Variants in DCP2 observed in about 807,000 individuals in gnomAD.
The protein encoded by DCP2 is decapping mRNA 2.
A neutral mutation model predicts 56.1 loss-of-function variants in DCP2; 30 were observed. The ratio of observed to expected loss-of-function variants is 0.53; its 90% CI spans 0.40 to 0.73. The LOEUF is 0.73. Ranked by LOEUF, DCP2 falls within the 30% of genes least tolerant of loss-of-function variation. The pLI, the probability that DCP2 is intolerant of heterozygous loss-of-function variation, is 0.00. For synonymous variants in DCP2, 197 were observed against 163.3 expected (o/e 1.21, Z -1.57); for missense variants, 533 against 502.7 (o/e 1.06, Z -0.58).
intron 8 of DCP2, among the ~76,000 whole-genome samples, chr5:113,005,728 A>T (rs1749398134): frequency 6.6e-6 from 1 of 152,260 alleles, no homozygotes; most frequent in African/African-American, 2.4e-5. Flanking sequence ...CATTATTCAC[A>T]ATAGCCAAAA....
In DCP2 at chr5:113,021,975, T is replaced by G. The variant is rs1750166518; in HGVS notation, c.*8491T>G. The G allele has an allele frequency of 6.6e-6, 1 of 152,216 alleles. No homozygotes were observed. The highest frequency in any genetic ancestry group is 1.5e-5 in the Non-Finnish European group (1 of 68,036). 9.4% of individuals were successfully genotyped at this position (152,216 alleles called of 1,614,324 possible). ...ATTTTGATCTAATAATAGTCTTACTTCTAGACCCCTGCTTTGACTAGGGCT... is the reference window on the plus strand; with the variant it reads ...ATTTTGATCTAATAATAGTCTTACTGCTAGACCCCTGCTTTGACTAGGGCT... On this transcript the variant is annotated 3_prime_UTR_variant, in exon 11 of 11. Transcript: ENST00000389063.
rs546876826 is a variant in DCP2 at position 113,017,764 on chromosome 5, G to C, written c.*4280G>C. 1.3e-5 allele frequency: 2 copies of C among 152,270 alleles called. No homozygotes were observed. The highest frequency in any genetic ancestry group is 4.1e-4 in the South Asian group (2 of 4,828). The allele number at this position is 152,270 out of a possible 1,614,324, so 9.4% of individuals were successfully genotyped here. A position where few individuals can be genotyped will look rare whatever the true frequency, so the allele number is the denominator to read the frequency against. Reference sequence around the variant, plus strand: ...TATCAATACTTGAGTGCTTTATTATGTTCCAGGCTAGAAATGTGATCATTG... The same window carrying C: ...TATCAATACTTGAGTGCTTTATTATCTTCCAGGCTAGAAATGTGATCATTG... On this transcript the variant is annotated 3_prime_UTR_variant, in exon 11 of 11. Transcript: ENST00000389063.
intron 9 of DCP2, 36 bp downstream of exon 9, chr5:113,008,078 C>G: frequency 3.9e-6 from 6 of 1,553,226 alleles, no homozygotes; most frequent in Non-Finnish European, 5.3e-6. Flanking sequence ...GTAGGCAGTT[C>G]ATCCTCTGAA....
chr5:112,993,891 C>G (rs1221810289), intron 4 of DCP2, among the ~76,000 whole-genome samples: 1 of 151,612 alleles, frequency 6.6e-6, no homozygotes, highest in African/African-American at 2.4e-5. Flanking sequence ...AACACATACA[C>G]ATACAATTAT....
At chr5:112,995,166 G>A (rs1164812547) in intron 4 of DCP2, among the ~76,000 whole-genome samples, 1 of 152,148 alleles carries the variant, frequency 6.6e-6, no homozygotes, top group Non-Finnish European at 1.5e-5. Flanking sequence ...GCTTGCCCAA[G>A]CTATTATTTA....
chr5:112,991,756 A>G (rs1341348497), intron 2 of DCP2, among the ~76,000 whole-genome samples: 1 of 152,174 alleles, frequency 6.6e-6, no homozygotes, highest in Non-Finnish European at 1.5e-5. Flanking sequence ...GGCATTATGA[A>G]TTTGACTCAC....
chr5:113,008,662 T>C (rs1749548291), intron 9 of DCP2, among the ~76,000 whole-genome samples: 1 of 152,162 alleles, frequency 6.6e-6, no homozygotes, highest in Non-Finnish European at 1.5e-5. Flanking sequence ...AGCAAAAATA[T>C]TTTACCTGAA....
Position 113,014,518 on chromosome 5 carries a change from G to T in DCP2, c.*1034G>T, listed in dbSNP as rs1310536301. The T allele has an allele frequency of 6.6e-6, 1 of 152,632 alleles. No homozygotes were observed. The highest frequency in any genetic ancestry group is 1.5e-5 in the Non-Finnish European group (1 of 68,046). 9.5% of individuals were successfully genotyped at this position (152,632 alleles called of 1,614,324 possible). On this transcript the variant is annotated 3_prime_UTR_variant, in exon 11 of 11. Coordinates refer to ENST00000389063, the MANE Select transcript of DCP2 (RefSeq NM_152624.6). ...TGCAGTTTACCCAAGTCCAAATAAA[G>T]CATTTCACTAGGTTACACGTTATGT...
rs566681716 is a variant in DCP2 at position 113,017,798 on chromosome 5, A to G, written c.*4314A>G. ...TAGAAATGTGATCATTGCATGGCCTAAGTGTAGTCATTCATATATATATGA... is the reference window on the plus strand; with the variant it reads ...TAGAAATGTGATCATTGCATGGCCTGAGTGTAGTCATTCATATATATATGA... On this transcript the variant is annotated 3_prime_UTR_variant, in exon 11 of 11. Coordinates refer to ENST00000389063, the MANE Select transcript of DCP2 (RefSeq NM_152624.6). The G allele has an allele frequency of 2.0e-5, 3 of 152,318 alleles. No individual in the cohort carries two copies. The East Asian group carries it at 5.8e-4, about 29-fold the overall frequency. The allele number at this position is 152,318 out of a possible 1,614,324, so 9.4% of individuals were successfully genotyped here. A position where few individuals can be genotyped will look rare whatever the true frequency, so the allele number is the denominator to read the frequency against.
intron 8 of DCP2, among the ~76,000 whole-genome samples, chr5:113,005,121 C>T (rs1234838622): frequency 7.1e-6 from 1 of 141,788 alleles, no homozygotes; most frequent in Non-Finnish European, 1.5e-5. Flanking sequence ...AAGAACAAAA[C>T]TCTGTCTCAA....
rs542436718 is a variant in DCP2 at position 113,020,502 on chromosome 5, A to G, written c.*7018A>G. ...CACCTGTAGTGTTCACCTTGTTATA[A>G]GAACAGAAACATTTGGAACAGGTTT... On this transcript the variant is annotated 3_prime_UTR_variant, in exon 11 of 11. Coordinates refer to ENST00000389063, the MANE Select transcript of DCP2 (RefSeq NM_152624.6). 6.6e-6 allele frequency: 1 copy of G among 152,368 alleles called. No homozygotes were observed. The highest frequency in any genetic ancestry group is 2.1e-4 in the South Asian group (1 of 4,830). The allele number at this position is 152,368 out of a possible 1,614,324, so 9.4% of individuals were successfully genotyped here. A position where few individuals can be genotyped will look rare whatever the true frequency, so the allele number is the denominator to read the frequency against.
Position 113,015,003 on chromosome 5 carries a change from T to A in DCP2, c.*1519T>A, listed in dbSNP as rs1245457906. The A allele has an allele frequency of 6.6e-6, 1 of 152,666 alleles. No individual in the cohort carries two copies. The allele number at this position is 152,666 out of a possible 1,614,324, so 9.5% of individuals were successfully genotyped here. On this transcript the variant is annotated 3_prime_UTR_variant, in exon 11 of 11. Transcript: ENST00000389063. ...TTAAAGGAGAAATTCTATTTATTAA[T>A]GAAAGTGTCACCCTTTTGGTGCTAA...
chr5:112,986,077 A>G (rs557408479), intron 2 of DCP2, 91 bp downstream of exon 2: 206 of 1,306,760 alleles, frequency 1.6e-4, no homozygotes, highest in Non-Finnish European at 1.9e-4. Context: ...AGATTTTAAA[A>G]CTATTAGAGA....
intron 2 of DCP2, among the ~76,000 whole-genome samples, chr5:112,986,926 C>T (rs1748316362): frequency 1.3e-5 from 2 of 152,246 alleles, no homozygotes; most frequent in Admixed American, 6.5e-5. Flanking sequence ...TCTCTTGAGC[C>T]TGGGAGGTGC....
chr5:113,005,371 C>A (rs1467677346), intron 8 of DCP2, among the ~76,000 whole-genome samples: 1 of 151,928 alleles, frequency 6.6e-6, no homozygotes, highest in Non-Finnish European at 1.5e-5. Flanking sequence ...AGACAGTTCT[C>A]CAAAGAAGAT....
intron 1 of DCP2, among the ~76,000 whole-genome samples, chr5:112,979,410 A>T (rs1248576365): frequency 6.6e-6 from 1 of 152,094 alleles, no homozygotes; most frequent in African/African-American, 2.4e-5. Flanking sequence ...TTTTACACTT[A>T]GAATTTGGTA....
At chr5:112,981,041 G>C (rs1356810850) in intron 1 of DCP2, among the ~76,000 whole-genome samples, 1 of 148,144 alleles carries the variant, frequency 6.8e-6, no homozygotes, top group Non-Finnish European at 1.5e-5. Flanking sequence ...TTTTTTTTTA[G>C]AGACAGGGTC....
intron 10 of DCP2, among the ~76,000 whole-genome samples, chr5:113,011,016 G>A (rs1749660383): frequency 6.6e-6 from 1 of 152,150 alleles, no homozygotes; most frequent in African/African-American, 2.4e-5. Flanking sequence ...TTCAGACTGT[G>A]CCGTTTCTTT....
At chr5:113,012,654 G>GT (rs934076477) in intron 10 of DCP2, among the ~76,000 whole-genome samples, 74 of 151,598 alleles carry the variant, frequency 4.9e-4, no homozygotes, top group African/African-American at 1.7e-3. Context: ...TTTTTCTTTT[G>GT]TTTTTTTGAG....
Sources: allele counts gnomAD v4.1 joint callset (sites outside exome capture counted in the v4.1 genomes callset), GRCh38; gene constraint gnomAD v4.1.1; transcripts MANE v1.5; gene names NCBI Gene and HGNC (gene_info 2026-07-23, HGNC 2026-07-21).